CDK19: variants seen among roughly 807,000 people sequenced by gnomAD.
CDK19 encodes cyclin dependent kinase 19, also known as cyclin-dependent kinase 19.
A neutral mutation model predicts 68.3 loss-of-function variants in CDK19; 20 were observed. The ratio of observed to expected loss-of-function variants is 0.29; its 90% CI spans 0.21 to 0.43. CDK19 has a LOEUF of 0.43. Among genes scored for constraint, CDK19 ranks in the 20% least tolerant of loss-of-function variants. The pLI, the probability that CDK19 is intolerant of heterozygous loss-of-function variation, is 1.00. For synonymous variants in CDK19, 221 were observed against 222.8 expected, an observed-to-expected ratio of 0.99 and a Z score of 0.07; for missense variants, 339 against 623.5, an observed-to-expected ratio of 0.54 and a Z score of 4.86.
At chr6:110,802,045 G>C (rs1331857256) in intron 1 of CDK19, among the ~76,000 whole-genome samples, 1 of 152,146 alleles carries the variant, frequency 6.6e-6, no homozygotes, top group Non-Finnish European at 1.5e-5. Context: ...ATGTTGGCAA[G>C]GTTGAGGAGA....
intron 1 of CDK19, among the ~76,000 whole-genome samples, chr6:110,790,517 AGAGC>A (rs1173070076): frequency 2.0e-5 from 3 of 152,238 alleles, no homozygotes; most frequent in Non-Finnish European, 4.4e-5. Context: ...CCTGGGTGAC[AGAGC>A]AAGACTCTGT....
At chr6:110,722,524 T>G (rs1775976094) in intron 2 of CDK19, among the ~76,000 whole-genome samples, 1 of 148,938 alleles carries the variant, frequency 6.7e-6, no homozygotes, top group African/African-American at 2.5e-5. Flanking sequence ...TATAGTGAGA[T>G]CTCATCTTTG....
intron 2 of CDK19, among the ~76,000 whole-genome samples, chr6:110,678,272 C>T (rs1441175252): frequency 2.6e-5 from 4 of 152,000 alleles, no homozygotes; most frequent in South Asian, 2.1e-4. Context: ...TATGCATTAA[C>T]TCCCAAATGT....
intron 4 of CDK19, among the ~76,000 whole-genome samples, chr6:110,651,000 T>G (rs897250459): frequency 6.6e-6 from 1 of 151,972 alleles, no homozygotes; most frequent in African/African-American, 2.4e-5. Flanking sequence ...TAGGAAAAAC[T>G]TGGGTGAGCG....
intron 2 of CDK19, among the ~76,000 whole-genome samples, chr6:110,718,687 AT>A (rs1044561591): frequency 1.3e-5 from 2 of 151,514 alleles, no homozygotes; most frequent in Non-Finnish European, 2.9e-5. Context: ...GCTAAATTAT[AT>A]TTTTTAAAAT....
intron 2 of CDK19, among the ~76,000 whole-genome samples, chr6:110,732,922 CCAGG>C (rs1776871460): frequency 6.6e-6 from 1 of 152,026 alleles, no homozygotes; most frequent in Admixed American, 6.6e-5. Flanking sequence ...CAAAAATTAG[CCAGG>C]TGTGGTGGTG....
chr6:110,772,557 T>C (rs1780094462), intron 1 of CDK19, among the ~76,000 whole-genome samples: 1 of 152,168 alleles, frequency 6.6e-6, no homozygotes, highest in African/African-American at 2.4e-5. Context: ...CTGATTCCCA[T>C]TCAGAATCTA....
intron 4 of CDK19, among the ~76,000 whole-genome samples, chr6:110,643,522 G>T (rs1780341280): frequency 1.3e-5 from 2 of 152,098 alleles, no homozygotes; most frequent in South Asian, 4.1e-4. Context: ...GGATGAAGTG[G>T]CTCAATAAAT....
chr6:110,648,081 A>C (rs1485531264), intron 4 of CDK19, among the ~76,000 whole-genome samples: 1 of 152,228 alleles, frequency 6.6e-6, no homozygotes, highest in Non-Finnish European at 1.5e-5. Flanking sequence ...ATCTACCTTA[A>C]CCTGACAACA....
chr6:110,692,336 A>G (rs1773073107), intron 2 of CDK19, among the ~76,000 whole-genome samples: 1 of 152,046 alleles, frequency 6.6e-6, no homozygotes, highest in African/African-American at 2.4e-5. Context: ...AGAATTACAA[A>G]ATGTAATGTA....
At chr6:110,810,408 AACCAGCT>A (rs1347810745) in intron 1 of CDK19, among the ~76,000 whole-genome samples, 3 of 152,232 alleles carry the variant, frequency 2.0e-5, no homozygotes, top group Admixed American at 2.0e-4. Context: ...GTGAGAGACC[AACCAGCT>A]ACTATCCAAA....
intron 1 of CDK19, among the ~76,000 whole-genome samples, chr6:110,809,245 T>G (rs1477056314): frequency 6.7e-6 from 1 of 149,938 alleles, no homozygotes; most frequent in Non-Finnish European, 1.5e-5. Context: ...CCAGGCACAG[T>G]GACTCATGTC....
chr6:110,693,843 G>A (rs1773244701), intron 2 of CDK19, among the ~76,000 whole-genome samples: 1 of 152,088 alleles, frequency 6.6e-6, no homozygotes, highest in Non-Finnish European at 1.5e-5. Context: ...ATGCTTGGGA[G>A]CTCAATGGCC....
At chr6:110,734,563 T>C (rs559195322) in intron 2 of CDK19, among the ~76,000 whole-genome samples, 11 of 17,076 alleles carry the variant, frequency 6.4e-4, no homozygotes, top group Admixed American at 6.2e-3. Context: ...CTCTCTCTCA[T>C]GTCTGGGCTT....
intron 1 of CDK19, among the ~76,000 whole-genome samples, chr6:110,803,465 A>G (rs1782473967): frequency 6.6e-6 from 1 of 152,236 alleles, no homozygotes; most frequent in Non-Finnish European, 1.5e-5. Context: ...ATAGCATAAA[A>G]TTATTTCCAC....
chr6:110,695,644 T>C (rs1240128294), intron 2 of CDK19, among the ~76,000 whole-genome samples: 1 of 151,930 alleles, frequency 6.6e-6, no homozygotes, highest in African/African-American at 2.4e-5. Flanking sequence ...TAAGCTCAAT[T>C]AGAAATGAAA....
chr6:110,684,941 C>A (rs1410485828), intron 2 of CDK19, among the ~76,000 whole-genome samples: 1 of 152,090 alleles, frequency 6.6e-6, no homozygotes, highest in African/African-American at 2.4e-5. Flanking sequence ...GAGTTAGAGA[C>A]CAGGCTGGCC....
Position 110,782,090 on chromosome 6 carries a change from C to T in CDK19, c.128+32919G>A, listed in dbSNP as rs189544222. On this transcript the variant is annotated intron_variant, in intron 1 of 12. Transcript: ENST00000368911. Reference sequence around the variant, plus strand: ...TAAAAGAAACAATTAGAGATAAGGGCATGATATAATAGCTTTTATCTGTCC... The same window carrying T: ...TAAAAGAAACAATTAGAGATAAGGGTATGATATAATAGCTTTTATCTGTCC... Among the ~76,000 whole-genome samples the T allele has an allele frequency of 5.3e-3, 800 of 152,304 alleles. 6 individuals carry two copies. The highest frequency in any genetic ancestry group is 0.019 in the African/African-American group (778 of 41,564).
chr6:110,675,905 G>A (rs1031610120), intron 2 of CDK19, among the ~76,000 whole-genome samples: 22 of 152,174 alleles, frequency 1.4e-4, no homozygotes, highest in East Asian at 3.9e-4. Context: ...TCTGCAGCCC[G>A]TGAATCAAGA....
Sources: allele counts gnomAD v4.1 joint callset (sites outside exome capture counted in the v4.1 genomes callset), GRCh38; gene constraint gnomAD v4.1.1; transcripts MANE v1.5; gene names NCBI Gene and HGNC (gene_info 2026-07-23, HGNC 2026-07-21).